B3GNT2: variants seen among roughly 807,000 people sequenced by gnomAD.
The protein encoded by B3GNT2 is UDP-GlcNAc:betaGal beta-1,3-N-acetylglucosaminyltransferase 2.
In B3GNT2, 12 loss-of-function variants were observed where a neutral mutation model predicts 27.6. The observed-to-expected ratio is 0.44, with a 90% CI of 0.28 to 0.71. The LOEUF (loss-of-function observed/expected upper bound fraction) is 0.71, where lower values mean the gene tolerates loss of function less well. B3GNT2 is among the 30% of genes least tolerant of loss of function. The pLI, the probability that B3GNT2 is intolerant of heterozygous loss-of-function variation, is 0.17. For synonymous variants in B3GNT2, 192 were observed against 189.7 expected, an observed-to-expected ratio of 1.01 and a Z score of -0.10; for missense variants, 413 against 488.5, an observed-to-expected ratio of 0.85 and a Z score of 1.46.
In B3GNT2 at chr2:62,213,076, C is replaced by G. The variant is rs565357219; in HGVS notation, c.-9-9136C>G. On this transcript the variant is annotated intron_variant, in intron 1 of 1. Transcript: ENST00000301998. ...ATGCATTAAGCTCCCCAAAAAGGGA[C>G]TGCTTGCATTCCGGTGTTTTTTTTC... 1.7e-3 allele frequency among the ~76,000 whole-genome samples: 265 copies of G among 152,326 alleles called. 1 individual carries two copies. Among genetic ancestry groups the G allele is most frequent in the African/African-American group, 6.0e-3 (251 of 41,572 alleles).
At position 62,222,155 on chromosome 2, in the gene B3GNT2, T is replaced by A; in HGVS notation, c.-9-57T>A. 1 of 1,417,656 alleles carries A rather than the reference T, an allele frequency of 7.1e-7. No individual in the cohort carries two copies. Among genetic ancestry groups the A allele is most frequent in the South Asian group, 1.4e-5 (1 of 71,890 alleles). 87.8% of individuals were successfully genotyped at this position (1,417,656 alleles called of 1,614,324 possible). A position where few individuals can be genotyped will look rare whatever the true frequency, so the allele number is the denominator to read the frequency against. On this transcript the variant is annotated intron_variant, in intron 1 of 1. Coordinates refer to ENST00000301998, the MANE Select transcript of B3GNT2 (RefSeq NM_006577.6). This position sits in a 1 kb window ranked among gnomAD's most constrained non-coding sequence, Gnocchi z 4.2. ...CTGGGGAGACAGGTAAAATAAATTG[T>A]ATGTGCAAATGCAAATTGATAAGTA...
At chr2:62,218,952 G>T (rs1221471959) in intron 1 of B3GNT2, among the ~76,000 whole-genome samples, 1 of 152,218 alleles carries the variant, frequency 6.6e-6, no homozygotes, top group Non-Finnish European at 1.5e-5. Context: ...AGCAGATGAA[G>T]TTGGAAATCT....
At chr2:62,210,019 G>A (rs920253457) in intron 1 of B3GNT2, among the ~76,000 whole-genome samples, 1 of 152,078 alleles carries the variant, frequency 6.6e-6, no homozygotes, top group East Asian at 1.9e-4. Context: ...GGTGATTCCC[G>A]ACTGGCCATT....
Position 62,224,049 on chromosome 2 carries a change from T to C in B3GNT2, c.*635T>C, listed in dbSNP as rs552811124. On this transcript the variant is annotated 3_prime_UTR_variant, in exon 2 of 2. Transcript: ENST00000301998. ...TCTAATTTATCTTGTTGTGATGTTA[T>C]GGTCATAATAAGGAGAAAGAGGGTT... The C allele has an allele frequency of 1.2e-5, 2 of 167,250 alleles. No homozygotes were observed. The highest frequency in any genetic ancestry group is 1.9e-4 in the East Asian group (1 of 5,196). 10.4% of individuals were successfully genotyped at this position (167,250 alleles called of 1,614,324 possible). A position where few individuals can be genotyped will look rare whatever the true frequency, so the allele number is the denominator to read the frequency against.
intron 1 of B3GNT2, among the ~76,000 whole-genome samples, chr2:62,219,036 C>G (rs543187994): frequency 6.6e-6 from 1 of 152,344 alleles, no homozygotes; most frequent in African/African-American, 2.4e-5. Flanking sequence ...ATAGAGGCTT[C>G]AAGTGGTTAT....
At position 62,222,591 on chromosome 2, in the gene B3GNT2, G is replaced by C; in HGVS notation, c.371G>C (p.Arg124Thr). 1 of 1,614,202 alleles carries C rather than the reference G, an allele frequency of 6.2e-7. No homozygotes were observed. The highest frequency in any genetic ancestry group is 8.5e-7 in the Non-Finnish European group (1 of 1,180,038). Residue 124 changes from arginine to threonine, a missense_variant, in exon 2 of 2, where the codon AGA (arginine) becomes ACA (threonine). Transcript: ENST00000301998. The surrounding 1 kb of genome is among the most constrained non-coding windows in gnomAD (Gnocchi z 4.2). The stretch of plus-strand genomic sequence containing the variant: ...TTTAAAGACTTTCTGCTGTATTTGA[G>C]ATGCCGCAATTATTCACTGCTTATA... ...DRFKDFLLYLRCRNYSLLIDQ... is the reference protein window; with the variant it reads ...DRFKDFLLYLTCRNYSLLIDQ...
chr2:62,213,911 T>C (rs1305727452), intron 1 of B3GNT2, among the ~76,000 whole-genome samples: 2 of 152,154 alleles, frequency 1.3e-5, no homozygotes, highest in African/African-American at 2.4e-5. Flanking sequence ...ATCTGTTCCT[T>C]TAGCAAATGC....
chr2:62,210,083 G>A (rs116483138), intron 1 of B3GNT2, among the ~76,000 whole-genome samples: 10 of 152,122 alleles, frequency 6.6e-5, no homozygotes, highest in Non-Finnish European at 1.3e-4. Context: ...AAAAAAATTC[G>A]ATTCCCCCTG....
At chr2:62,221,143 C>G (rs574486496) in intron 1 of B3GNT2, among the ~76,000 whole-genome samples, 4 of 152,162 alleles carry the variant, frequency 2.6e-5, no homozygotes, top group African/African-American at 9.7e-5. Context: ...ATTTCTAGAA[C>G]CTAAATTCAT....
chr2:62,207,203 A>G, intron 1 of B3GNT2, among the ~76,000 whole-genome samples: 1 of 151,740 alleles, frequency 6.6e-6, no homozygotes, highest in Non-Finnish European at 1.5e-5. Flanking sequence ...TTTTTAAGAC[A>G]GGGTCTCACT....
chr2:62,198,856 A>G (rs1397560922), intron 1 of B3GNT2, among the ~76,000 whole-genome samples: 2 of 152,258 alleles, frequency 1.3e-5, no homozygotes, highest in African/African-American at 4.8e-5. Context: ...CTGAAGAGAA[A>G]TATGCAGGGC....
chr2:62,223,500 T>G lies in B3GNT2; in HGVS notation c.*86T>G. ...TCTCACATTAGAGTAATTTCTATAT[T>G]AAACCATGAAAATTGCCTTTATGAG... On this transcript the variant is annotated 3_prime_UTR_variant, in exon 2 of 2. Coordinates refer to ENST00000301998, the MANE Select transcript of B3GNT2 (RefSeq NM_006577.6). The G allele has an allele frequency of 8.2e-7, 1 of 1,225,132 alleles. No homozygotes were observed. The highest frequency in any genetic ancestry group is 1.1e-6 in the Non-Finnish European group (1 of 887,382). The allele number at this position is 1,225,132 out of a possible 1,614,324, so 75.9% of individuals were successfully genotyped here.
At position 62,222,341 on chromosome 2, in the gene B3GNT2, GTAA is replaced by G; in HGVS notation, c.127_129del (p.Ile43del). On this transcript the variant is annotated inframe_deletion, in exon 2 of 2. Coordinates refer to ENST00000301998, the MANE Select transcript of B3GNT2 (RefSeq NM_006577.6). The surrounding 1 kb of genome is among the most constrained non-coding windows in gnomAD (Gnocchi z 4.2). Reference sequence around the variant, plus strand: ...CCAAGAAAAAAATGGAAAAGGGGAAGTAATAATACCCAAAGAGAAGTTCTGGAA... The same window carrying G: ...CCAAGAAAAAAATGGAAAAGGGGAAGTAATACCCAAAGAGAAGTTCTGGAA... 6.2e-7 allele frequency: 1 copy of G among 1,614,132 alleles called. No homozygotes were observed. Among genetic ancestry groups the G allele is most frequent in the Non-Finnish European group, 8.5e-7 (1 of 1,180,030 alleles).
intron 1 of B3GNT2, among the ~76,000 whole-genome samples, chr2:62,214,978 C>T (rs551380121): frequency 6.6e-6 from 1 of 152,168 alleles, no homozygotes; most frequent in East Asian, 1.9e-4. Flanking sequence ...GGTTAATTCC[C>T]TTCTCCTCTT....
intron 1 of B3GNT2, among the ~76,000 whole-genome samples, chr2:62,197,308 C>T (rs1031803465): frequency 7.9e-5 from 12 of 152,178 alleles, no homozygotes; most frequent in Non-Finnish European, 1.3e-4. Flanking sequence ...ATTTGAAACT[C>T]GGGGCTGGGG....
intron 1 of B3GNT2, among the ~76,000 whole-genome samples, chr2:62,209,194 G>A (rs1674434274): frequency 6.6e-6 from 1 of 152,066 alleles, no homozygotes; most frequent in South Asian, 2.1e-4. Context: ...AGCCCAGAAT[G>A]GAAGCTATAG....
At chr2:62,203,349 T>C (rs1003266324) in intron 1 of B3GNT2, among the ~76,000 whole-genome samples, 1 of 152,062 alleles carries the variant, frequency 6.6e-6, no homozygotes, top group East Asian at 1.9e-4. Flanking sequence ...TATTGGGGCA[T>C]TTTTTAGCAT....
intron 1 of B3GNT2, among the ~76,000 whole-genome samples, chr2:62,202,087 G>A (rs1347769499): frequency 6.6e-6 from 1 of 152,244 alleles, no homozygotes; most frequent in Non-Finnish European, 1.5e-5. Flanking sequence ...GTTTGGTGAA[G>A]TGAGCAGTTT....
intron 1 of B3GNT2, among the ~76,000 whole-genome samples, chr2:62,209,780 T>A (rs1258259960): frequency 6.6e-6 from 1 of 152,118 alleles, no homozygotes; most frequent in Non-Finnish European, 1.5e-5. Context: ...GTTGTGCTGA[T>A]CTCCCTTCAC....
Sources: allele counts gnomAD v4.1 joint callset (sites outside exome capture counted in the v4.1 genomes callset), GRCh38; gene constraint gnomAD v4.1.1; non-coding constraint Gnocchi (gnomAD v3.1); transcripts MANE v1.5; gene names NCBI Gene and HGNC (gene_info 2026-07-23, HGNC 2026-07-21).